The following TRMT2A variants were observed in gnomAD, a reference collection of about 807,000 sequenced individuals.
The protein encoded by TRMT2A is tRNA methyltransferase 2A.
Under a neutral mutation model 59.3 loss-of-function variants are expected in TRMT2A, and 60 were observed. The observed-to-expected ratio is 1.01, with a 90% CI of 0.82 to 1.26. TRMT2A has a LOEUF of 1.26. Ranked by LOEUF, TRMT2A falls within the 50% of genes most tolerant of loss-of-function variation. The probability of loss-of-function intolerance (pLI) is 0.00; values close to 1 mark genes in which losing one functional copy is unlikely to be tolerated. For missense variants in TRMT2A, 863 were observed against 845.2 expected (o/e 1.02, Z -0.26); for synonymous variants, 403 against 353.7 (o/e 1.14, Z -1.56).
Position 20,117,157 on chromosome 22 carries a change from G to C in TRMT2A, c.-251C>G. On this transcript the variant is annotated 5_prime_UTR_variant, in exon 1 of 12. Coordinates refer to ENST00000252136, the MANE Select transcript of TRMT2A (RefSeq NM_022727.6). ...TGTACCGCCCGCCCGCCAGGGGCCC[G>C]CGCCGGCCGCTCGCTTCGCCAGCCA... 1 of 557,554 alleles carries C rather than the reference G, an allele frequency of 1.8e-6. No individual in the cohort carries two copies. The highest frequency in any genetic ancestry group is 4.0e-5 in the Admixed American group (1 of 24,926). The allele number at this position is 557,554 out of a possible 1,614,324, so 34.5% of individuals were successfully genotyped here. A position where few individuals can be genotyped will look rare whatever the true frequency, so the allele number is the denominator to read the frequency against.
rs1048713718 is a variant in TRMT2A, at chr22:20,112,506, C to G, written c.*57G>C. 5.8e-5 allele frequency: 90 copies of G among 1,564,848 alleles called. No individual in the cohort carries two copies. The East Asian group carries it at 2.0e-3, about 35-fold the overall frequency. ...ATCCTGGCCAGCAAGCCATGCCTTC[C>G]CCGCCCCTGGGGCCCTGGGAGCCCT... is the stretch of plus-strand genomic sequence containing the variant. On this transcript the variant is annotated 3_prime_UTR_variant, in exon 12 of 12. Transcript: ENST00000252136.
chr22:20,117,156 CG>C lies in TRMT2A; in HGVS notation c.-251del, dbSNP rs1487016692. The stretch of plus-strand genomic sequence containing the variant: ...CTGTACCGCCCGCCCGCCAGGGGCC[CG>C]CGCCGGCCGCTCGCTTCGCCAGCCA... On this transcript the variant is annotated 5_prime_UTR_variant, in exon 1 of 12. Coordinates refer to ENST00000252136, the MANE Select transcript of TRMT2A (RefSeq NM_022727.6). The C allele has an allele frequency of 3.6e-6, 2 of 552,750 alleles. No homozygotes were observed. Among genetic ancestry groups the C allele is most frequent in the East Asian group, 6.9e-5 (2 of 29,174 alleles). 34.2% of individuals were successfully genotyped at this position (552,750 alleles called of 1,614,324 possible).
rs200994055 is a variant in TRMT2A at position 20,113,199 on chromosome 22, C to T, written c.1468G>A (p.Glu490Lys). The T allele has an allele frequency of 8.3e-5, 132 of 1,583,710 alleles. No homozygotes were observed. The highest frequency in any genetic ancestry group is 4.4e-5 in the Non-Finnish European group (51 of 1,165,186). Residue 490 changes from glutamate (E) to lysine (K), a missense_variant, in exon 10 of 12, where the codon GAG becomes AAG. Transcript: ENST00000252136. ...CTCACCAGGGTGGGCACCAGGTCCT[C>T]GGCCCTCCCGCAGTGGAACTCCACA... ...SNVEFHCGRA[E>K]DLVPTLVSRL...
intron 7 of TRMT2A, among the ~76,000 whole-genome samples, chr22:20,114,165 C>T (rs1485531507): frequency 6.6e-6 from 1 of 152,200 alleles, no homozygotes; most frequent in East Asian, 1.9e-4. Flanking sequence ...CAGCTCCCAC[C>T]CCCACACCTA....
rs1220910289 is a variant in TRMT2A at position 20,112,786 on chromosome 22, C to T, written c.1655G>A (p.Arg552Lys). Reference sequence around the variant, plus strand: ...GCCCTTCACCCGGTTAGATGGGGCTCTGCAGAGGCTGTGGGGGGAAAAGGG... The same window carrying T: ...GCCCTTCACCCGGTTAGATGGGGCTTTGCAGAGGCTGTGGGGGGAAAAGGG... The part of the protein sequence containing the change: ...AAMGNFVDLC[R>K]APSNRVKGIP... Residue 552 changes from arginine to lysine, a missense_variant, in exon 12 of 12, where the codon AGA becomes AAA. Coordinates refer to ENST00000252136, the MANE Select transcript of TRMT2A (RefSeq NM_022727.6). 1 of 1,613,284 alleles carries T rather than the reference C, an allele frequency of 6.2e-7. No individual in the cohort carries two copies. The highest frequency in any genetic ancestry group is 1.7e-5 in the Admixed American group (1 of 60,014).
rs956812004 is a variant in TRMT2A, at chr22:20,117,073, C to A, written c.-167G>T. On this transcript the variant is annotated 5_prime_UTR_variant, in exon 1 of 12. Transcript: ENST00000252136. ...GAGGTCGCCGCCACCCCCGGCTTCG[C>A]CCCAGGCGGGGCGGGACTCGAACCT... 21 of 897,498 alleles carry A rather than the reference C, an allele frequency of 2.3e-5. No individual in the cohort carries two copies. Among genetic ancestry groups the A allele is most frequent in the Non-Finnish European group, 3.6e-5 (21 of 590,550 alleles). 55.6% of individuals were successfully genotyped at this position (897,498 alleles called of 1,614,324 possible).
chr22:20,115,366 TGCCGA>T lies in TRMT2A; in HGVS notation c.785_789del (p.Leu262GlnfsTer14). ...ACAGCACACGTCCCGCCCTTGTACT[TGCCGA>T]GCCGACAGCCCACGGTGTTATCCTC... On this transcript the variant is annotated frameshift_variant, in exon 4 of 12. Coordinates refer to ENST00000252136, the MANE Select transcript of TRMT2A (RefSeq NM_022727.6). LOFTEE classifies it high-confidence loss of function. The T allele has an allele frequency of 2.5e-6, 4 of 1,612,676 alleles. No homozygotes were observed. Among genetic ancestry groups the T allele is most frequent in the Non-Finnish European group, 3.4e-6 (4 of 1,179,998 alleles).
rs547705317 is a variant in TRMT2A, at chr22:20,117,009, C to T, written c.-103G>A. Reference sequence around the variant, plus strand: ...GAAGTGGCCTGTCACAAGGGAAGTGCTCAGAGGGGAGGTGCTCACAGAGCC... The same window carrying T: ...GAAGTGGCCTGTCACAAGGGAAGTGTTCAGAGGGGAGGTGCTCACAGAGCC... On this transcript the variant is annotated 5_prime_UTR_variant, in exon 1 of 12. Transcript: ENST00000252136. The T allele has an allele frequency of 9.6e-6, 14 of 1,455,466 alleles. No homozygotes were observed. The highest frequency in any genetic ancestry group is 1.2e-5 in the Non-Finnish European group (13 of 1,064,714). The allele number at this position is 1,455,466 out of a possible 1,614,324, so 90.2% of individuals were successfully genotyped here.
chr22:20,117,007 T>A lies in TRMT2A; in HGVS notation c.-101A>T. ...GGGAAGTGGCCTGTCACAAGGGAAG[T>A]GCTCAGAGGGGAGGTGCTCACAGAG... On this transcript the variant is annotated 5_prime_UTR_variant, in exon 1 of 12. Coordinates refer to ENST00000252136, the MANE Select transcript of TRMT2A (RefSeq NM_022727.6). The A allele has an allele frequency of 6.9e-7, 1 of 1,455,412 alleles. No homozygotes were observed. Among genetic ancestry groups the A allele is most frequent in the South Asian group, 1.2e-5 (1 of 81,322 alleles). 90.2% of individuals were successfully genotyped at this position (1,455,412 alleles called of 1,614,324 possible).
intron 3 of TRMT2A, 100 bp downstream of exon 3, chr22:20,115,569 CAGA>C: frequency 6.4e-7 from 1 of 1,561,164 alleles, no homozygotes; most frequent in Non-Finnish European, 8.8e-7. Flanking sequence ...GTGATGTTAC[CAGA>C]AGAAAACACA....
intron 9 of TRMT2A, 58 bp from the exon 10 acceptor site, chr22:20,113,292 C>A (rs899887809): frequency 1.3e-6 from 2 of 1,510,218 alleles, no homozygotes; most frequent in Admixed American, 2.1e-5. Context: ...GCAGGGCCAG[C>A]CCTGGGGAAC....
At chr22:20,115,151 C>T (rs1014933469) in intron 4 of TRMT2A, 72 bp from the exon 5 acceptor site, 46 of 1,562,926 alleles carry the variant, frequency 2.9e-5, no homozygotes, top group African/African-American at 6.8e-5. Context: ...CCTCTGGCCA[C>T]ACCTTCCTTC....
At chr22:20,113,348 C>T (rs2049906080) in intron 9 of TRMT2A, 84 bp downstream of exon 9, 1 of 1,540,990 alleles carries the variant, frequency 6.5e-7, no homozygotes, top group Non-Finnish European at 8.8e-7. Context: ...TCGGGCAGCC[C>T]CCAAGCCCTG....
Position 20,115,390 on chromosome 22 carries a change from T to TA in TRMT2A, c.765dup (p.Asn256Ter). 1 of 1,612,704 alleles carries TA rather than the reference T, an allele frequency of 6.2e-7. No homozygotes were observed. The highest frequency in any genetic ancestry group is 8.5e-7 in the Non-Finnish European group (1 of 1,179,936). The stretch of plus-strand genomic sequence containing the variant: ...TTGCCGAGCCGACAGCCCACGGTGT[T>TA]ATCCTCCCCATCCACCCCGACGCCA... On this transcript the variant is annotated frameshift_variant, in exon 4 of 12. Transcript: ENST00000252136. LOFTEE classifies it high-confidence loss of function.
intron 9 of TRMT2A, 32 bp downstream of exon 9, chr22:20,113,400 T>TACC: frequency 7.3e-5 from 77 of 1,049,356 alleles, no homozygotes; most frequent in Non-Finnish European, 1.0e-4. Context: ...GCTGCCCCCA[T>TACC]CCCCACCCCC....
At position 20,116,586 on chromosome 22, in the gene TRMT2A, G is replaced by T. The variant is rs749318029; in HGVS notation, c.51C>A (p.Gly17=). ...NEGPKPMESC[G]QESSSALSCP... ...AGCTCAGGGCACTGCTGCTCTCCTG[G>T]CCACAGCTCTCCATGGGCTTCGGGC... Residue 17 remains glycine (G), a synonymous_variant, in exon 2 of 12, where the codon GGC becomes GGA. Transcript: ENST00000252136. 6.4e-7 allele frequency: 1 copy of T among 1,557,444 alleles called. No individual in the cohort carries two copies. The highest frequency in any genetic ancestry group is 1.2e-5 in the South Asian group (1 of 84,872).
At position 20,115,410 on chromosome 22, in the gene TRMT2A, A is replaced by C; in HGVS notation, c.746T>G (p.Val249Gly). ...YRNKCEFLVG[V>G]GVDGEDNTVG... ...GGTGTTATCCTCCCCATCCACCCCG[A>C]CGCCAACCAGAAACTCACACTTATT... The change falls in exon 4 of 12, where the codon GTC becomes GGC. Residue 249 changes from valine to glycine, a missense_variant. Val to Gly is a moderately radical substitution (Grantham distance 109). Coordinates refer to ENST00000252136, the MANE Select transcript of TRMT2A (RefSeq NM_022727.6). 1 of 1,611,764 alleles carries C rather than the reference A, an allele frequency of 6.2e-7. No homozygotes were observed.
At position 20,112,716 on chromosome 22, in the gene TRMT2A, C is replaced by T. The variant is rs146551748; in HGVS notation, c.1725G>A (p.Pro575=). The T allele has an allele frequency of 1.6e-4, 261 of 1,613,776 alleles. No individual in the cohort carries two copies. Among genetic ancestry groups the T allele is most frequent in the Middle Eastern group, 3.3e-4 (2 of 6,076 alleles). Residue 575 remains proline (P), a synonymous_variant, in exon 12 of 12, where the codon CCG becomes CCA. Coordinates refer to ENST00000252136, the MANE Select transcript of TRMT2A (RefSeq NM_022727.6). ...TGAGCATCTCACAGTGCGGGGTCTGCGGGAACAGGTCCACTGCCACAGCCT... is the reference window on the plus strand; with the variant it reads ...TGAGCATCTCACAGTGCGGGGTCTGTGGGAACAGGTCCACTGCCACAGCCT... ...PVKAVAVDLF[P]QTPHCEMLIL...
chr22:20,112,277 C>G lies in TRMT2A; in HGVS notation c.*286G>C. 1 of 493,526 alleles carries G rather than the reference C, an allele frequency of 2.0e-6. No homozygotes were observed. The highest frequency in any genetic ancestry group is 3.6e-6 in the Non-Finnish European group (1 of 278,086). The allele number at this position is 493,526 out of a possible 1,614,324, so 30.6% of individuals were successfully genotyped here. On this transcript the variant is annotated 3_prime_UTR_variant, in exon 12 of 12. Coordinates refer to ENST00000252136, the MANE Select transcript of TRMT2A (RefSeq NM_022727.6). Reference sequence around the variant, plus strand: ...GCACCCAGGCCCTGTGTTCAGACCCCTGGCTCTCATCACAGAAACACCCTT... The same window carrying G: ...GCACCCAGGCCCTGTGTTCAGACCCGTGGCTCTCATCACAGAAACACCCTT...
Sources: allele counts gnomAD v4.1 joint callset (sites outside exome capture counted in the v4.1 genomes callset), GRCh38; gene constraint gnomAD v4.1.1; transcripts MANE v1.5; gene names NCBI Gene and HGNC (gene_info 2026-07-23, HGNC 2026-07-21).